Variants in CREBBP observed in about 807,000 individuals in gnomAD.
CREBBP encodes the protein CREB binding lysine acetyltransferase.
Under a neutral mutation model 265.0 loss-of-function variants are expected in CREBBP, and 19 were observed. That is an observed-to-expected ratio of 0.07 (90% CI 0.05 to 0.11). The LOEUF (loss-of-function observed/expected upper bound fraction) is 0.11, where lower values mean the gene tolerates loss of function less well. Ranked by LOEUF, CREBBP falls within the 10% of genes least tolerant of loss-of-function variation. The pLI is 1.00. For missense variants in CREBBP, 2,525 were observed against 3,219.0 expected (o/e 0.78, Z 5.22); for synonymous variants, 1,457 against 1,223.7 (o/e 1.19, Z -3.98).
chr16:3,777,096 A>G (rs577205944), intron 11 of CREBBP, among the ~76,000 whole-genome samples: 10 of 152,146 alleles, frequency 6.6e-5, no homozygotes, highest in Non-Finnish European at 1.3e-4. Flanking sequence ...TAATCCCAGC[A>G]CTTTGGGAGG....
intron 3 of CREBBP, among the ~76,000 whole-genome samples, chr16:3,807,654 A>T (rs1344303510): frequency 6.6e-6 from 1 of 152,214 alleles, no homozygotes; most frequent in African/African-American, 2.4e-5. Context: ...TGCAAACAGG[A>T]AGCTACATAG....
chr16:3,833,871 G>C (rs2054390977), intron 2 of CREBBP, among the ~76,000 whole-genome samples: 1 of 152,108 alleles, frequency 6.6e-6, no homozygotes, highest in African/African-American at 2.4e-5. Flanking sequence ...GAAAATATGT[G>C]CAAGAAACAC....
In CREBBP at chr16:3,728,213, C is replaced by A. The variant is rs372866305; in HGVS notation, c.6834G>T (p.Gly2278=). The change falls in exon 31 of 31, where the codon GGG becomes GGT. Residue 2278 remains glycine (G), a synonymous_variant. Transcript: ENST00000262367. The surrounding 1 kb of genome is among the most constrained non-coding windows in gnomAD (Gnocchi z 8.7). ...MGQLGQMGQP[G]LGADSTPNIQ... is the part of the protein sequence containing the mutation. ...TGTTGGGGGTGCTGTCTGCCCCCAG[C>A]CCCGGCTGCCCCATCTGGCCAAGCT... The A allele has an allele frequency of 1.5e-5, 25 of 1,613,480 alleles. No homozygotes were observed. The highest frequency in any genetic ancestry group is 5.3e-5 in the African/African-American group (4 of 74,926).
At chr16:3,835,988 A>G (rs1027777255) in intron 2 of CREBBP, among the ~76,000 whole-genome samples, 12 of 152,152 alleles carry the variant, frequency 7.9e-5, no homozygotes, top group African/African-American at 2.9e-4. Flanking sequence ...CCATTTAGCA[A>G]TAAAAAAGAA....
chr16:3,846,172 G>A (rs1006678791), intron 2 of CREBBP, among the ~76,000 whole-genome samples: 1 of 152,106 alleles, frequency 6.6e-6, no homozygotes, highest in Admixed American at 6.6e-5. Context: ...GAGAAAAAAT[G>A]ACAAACAATT....
intron 1 of CREBBP, among the ~76,000 whole-genome samples, chr16:3,854,327 G>C (rs368508276): frequency 2.0e-5 from 3 of 152,198 alleles, no homozygotes; most frequent in East Asian, 3.8e-4. Context: ...TCATGGGCAG[G>C]TGACAATCAC....
chr16:3,784,136 C>G (rs1472093895), intron 5 of CREBBP, among the ~76,000 whole-genome samples: 2 of 152,214 alleles, frequency 1.3e-5, no homozygotes, highest in Admixed American at 1.3e-4. Flanking sequence ...ACATAAAACA[C>G]GACCACAAAG....
chr16:3,748,902 T>C (rs747738715), intron 21 of CREBBP, among the ~76,000 whole-genome samples: 1 of 152,148 alleles, frequency 6.6e-6, no homozygotes, highest in Non-Finnish European at 1.5e-5. Flanking sequence ...TCCCAGCACT[T>C]TGGGAGGCCG....
rs910861282 is a variant in CREBBP at position 3,852,157 on chromosome 16, G to GTTTTT, written c.86-1153_86-1149dup. ...GGACAGTAAAGCCAATCTTAAATTTGTTTTTTTTTTTTTTTTTTTTTTTTT... is the reference window on the plus strand; with the variant it reads ...GGACAGTAAAGCCAATCTTAAATTTGTTTTTTTTTTTTTTTTTTTTTTTTTTTTTT... On this transcript the variant is annotated intron_variant, in intron 1 of 30. Coordinates refer to ENST00000262367, the MANE Select transcript of CREBBP (RefSeq NM_004380.3). Among the ~76,000 whole-genome samples the GTTTTT allele has an allele frequency of 2.7e-4, 14 of 50,914 alleles. 1 individual carries two copies. Among genetic ancestry groups the GTTTTT allele is most frequent in the African/African-American group, 6.4e-4 (8 of 12,488 alleles). The allele number at this position is 50,914 out of a possible 152,430, so 33.4% of individuals were successfully genotyped here.
intron 23 of CREBBP, 44 bp from the exon 24 acceptor site, chr16:3,740,593 T>C (rs2151341633): frequency 6.2e-7 from 1 of 1,611,996 alleles, no homozygotes. Flanking sequence ...TCAACAGCAC[T>C]GCTGAGACAG....
intron 21 of CREBBP, among the ~76,000 whole-genome samples, 162 bp downstream of exon 21, chr16:3,749,465 T>G (rs1333180193): frequency 1.3e-5 from 2 of 152,238 alleles, no homozygotes; most frequent in East Asian, 3.8e-4. Flanking sequence ...ATATTTTGTT[T>G]AAGTTTAAAA....
In CREBBP at chr16:3,762,396, C is replaced by T. The variant is rs191757413; in HGVS notation, c.3251-3424G>A. On this transcript the variant is annotated intron_variant, in intron 16 of 30. Transcript: ENST00000262367. ...TTTTTTTTTTTGAGATGGAGTCTCG[C>T]GCTGTCACCCAGGCTGGAGTGCAGT... Among the ~76,000 whole-genome samples, 92 of 139,434 alleles carry T rather than the reference C, an allele frequency of 6.6e-4. No individual in the cohort carries two copies. In the East Asian group the frequency reaches 0.011, roughly 17 times the overall value. The allele number at this position is 139,434 out of a possible 152,430, so 91.5% of individuals were successfully genotyped here. A position where few individuals can be genotyped will look rare whatever the true frequency, so the allele number is the denominator to read the frequency against.
At chr16:3,753,887 C>T (rs1462780387) in intron 19 of CREBBP, among the ~76,000 whole-genome samples, 1 of 152,200 alleles carries the variant, frequency 6.6e-6, no homozygotes, top group Non-Finnish European at 1.5e-5. Flanking sequence ...ACCGTAATCA[C>T]AGGTGAGTCT....
rs560040351 is a variant in CREBBP at position 3,803,459 on chromosome 16, C to T, written c.975+7144G>A. 9.1e-4 allele frequency among the ~76,000 whole-genome samples: 138 copies of T among 151,962 alleles called. 1 individual carries two copies. The highest frequency in any genetic ancestry group is 2.9e-3 in the African/African-American group (120 of 41,444). ...GGCAGAGGTGGCAGTGAGCCAAGAT[C>T]GCGCCACTGCACTCTAGCCTGGGCG... On this transcript the variant is annotated intron_variant, in intron 3 of 30. Transcript: ENST00000262367.
intron 2 of CREBBP, among the ~76,000 whole-genome samples, chr16:3,823,053 A>G (rs926499407): frequency 6.6e-6 from 1 of 152,212 alleles, no homozygotes; most frequent in Non-Finnish European, 1.5e-5. Context: ...AAAAAAGGAC[A>G]CAAATGTATA....
At chr16:3,743,940 G>A (rs902610697) in intron 23 of CREBBP, among the ~76,000 whole-genome samples, 1 of 152,106 alleles carries the variant, frequency 6.6e-6, no homozygotes, top group Admixed American at 6.6e-5. Context: ...GCTGGGCAAG[G>A]TGGCGGGCGC....
intron 3 of CREBBP, among the ~76,000 whole-genome samples, chr16:3,809,270 C>T (rs1356732274): frequency 6.6e-6 from 1 of 152,064 alleles, no homozygotes; most frequent in African/African-American, 2.4e-5. Flanking sequence ...CTCCACCTCC[C>T]AGGTTCAAGC....
At chr16:3,860,925 G>C (rs1181530375) in intron 1 of CREBBP, among the ~76,000 whole-genome samples, 1 of 152,102 alleles carries the variant, frequency 6.6e-6, no homozygotes, top group Non-Finnish European at 1.5e-5. Flanking sequence ...CCCTGGTTCA[G>C]ATCACAGCTG....
At chr16:3,874,192 T>C (rs1269625098) in intron 1 of CREBBP, among the ~76,000 whole-genome samples, 11 of 152,180 alleles carry the variant, frequency 7.2e-5, no homozygotes, top group Non-Finnish European at 1.6e-4. Context: ...AAGTCATCCA[T>C]ATAACTGTTA....
Sources: gnomAD v4.1 joint callset for allele counts (sites outside exome capture counted in the v4.1 genomes callset) on GRCh38, gnomAD v4.1.1 for gene constraint, Gnocchi (gnomAD v3.1) non-coding constraint, MANE v1.5 for transcripts, NCBI Gene and HGNC (gene_info 2026-07-23, HGNC 2026-07-21) for gene names.